KHDC3L: variants seen among roughly 807,000 people sequenced by gnomAD.
KHDC3L encodes KH domain containing 3 like, subcortical maternal complex member, also known as KH domain-containing protein 3.
Under a neutral mutation model 11.4 loss-of-function variants are expected in KHDC3L, and 6 were observed. That is an observed-to-expected ratio of 0.52 (90% CI 0.29 to 1.03). KHDC3L has a LOEUF of 1.03. KHDC3L is among the 50% of genes least tolerant of loss of function. KHDC3L has a pLI of 0.09. For missense variants in KHDC3L, 293 were observed against 290.4 expected (o/e 1.01, Z -0.07); for synonymous variants, 127 against 120.9 (o/e 1.05, Z -0.33).
chr6:73,362,933 C>T (rs1186266877), intron 1 of KHDC3L, 35 bp downstream of exon 1: 2 of 1,613,790 alleles, frequency 1.2e-6, no homozygotes, highest in Non-Finnish European at 8.5e-7. Context: ...CCCCATGCGG[C>T]TTCTTTCTGC....
chr6:73,363,263 T>A lies in KHDC3L; in HGVS notation c.338T>A (p.Leu113His), dbSNP rs374197577. 1 of 1,613,966 alleles carries A rather than the reference T, an allele frequency of 6.2e-7. No homozygotes were observed. The highest frequency in any genetic ancestry group is 1.3e-5 in the African/African-American group (1 of 74,914). The change falls in exon 2 of 3, where the codon CTC becomes CAC. Residue 113 changes from leucine to histidine, a missense_variant. Physicochemically the swap from Leu to His is moderately conservative, Grantham distance 99. Coordinates refer to ENST00000370367, the MANE Select transcript of KHDC3L (RefSeq NM_001017361.3). Reference sequence around the variant, plus strand: ...AACCTGGCTGACTATCACCGCCAGCTCCAGGCGAAAGGTACGGGGCTGGGA... The same window carrying A: ...AACCTGGCTGACTATCACCGCCAGCACCAGGCGAAAGGTACGGGGCTGGGA... The part of the protein sequence containing the change: ...IMNLADYHRQ[L>H]QAKGSGKALA...
Position 73,363,127 on chromosome 6 carries a change from G to C in KHDC3L, c.202G>C (p.Gly68Arg). ...CGGAGAACGCATCCCGCACGTCCAG[G>C]GTATGTCCCAAATCTTGATTCACGT... ...RGGERIPHVQ[G>R]MSQILIHVNR... The change falls in exon 2 of 3, where the codon GGT becomes CGT. Residue 68 changes from glycine to arginine, a missense_variant. Coordinates refer to ENST00000370367, the MANE Select transcript of KHDC3L (RefSeq NM_001017361.3). The C allele has an allele frequency of 6.2e-7, 1 of 1,614,106 alleles. No homozygotes were observed. Among genetic ancestry groups the C allele is most frequent in the Non-Finnish European group, 8.5e-7 (1 of 1,180,032 alleles).
chr6:73,363,432 G>T, intron 2 of KHDC3L, 124 bp from the exon 3 acceptor site: 1 of 1,435,434 alleles, frequency 7.0e-7, no homozygotes. Flanking sequence ...GATCCAGAAG[G>T]CCAAATTGAA....
rs1222774175 is a variant in KHDC3L, at chr6:73,364,049, C to A, written c.*189C>A. On this transcript the variant is annotated 3_prime_UTR_variant, in exon 3 of 3. Coordinates refer to ENST00000370367, the MANE Select transcript of KHDC3L (RefSeq NM_001017361.3). The stretch of plus-strand genomic sequence containing the variant: ...GGAAGCCCGCCCCCCGCCTCCCCCC[C>A]GCCTCACTTAAGTCCAGGAAGCTGG... 1 of 657,168 alleles carries A rather than the reference C, an allele frequency of 1.5e-6. No homozygotes were observed. Among genetic ancestry groups the A allele is most frequent in the East Asian group, 2.7e-5 (1 of 36,660 alleles). 40.7% of individuals were successfully genotyped at this position (657,168 alleles called of 1,614,324 possible). A position where few individuals can be genotyped will look rare whatever the true frequency, so the allele number is the denominator to read the frequency against.
In KHDC3L at chr6:73,363,793, A is replaced by C. The variant is rs1477932850; in HGVS notation, c.587A>C (p.Glu196Ala). The C allele has an allele frequency of 6.2e-7, 1 of 1,612,670 alleles. No individual in the cohort carries two copies. The highest frequency in any genetic ancestry group is 8.5e-7 in the Non-Finnish European group (1 of 1,179,628). ...ANKSGTQRSPEAASKAVTQRF... is the reference protein window; with the variant it reads ...ANKSGTQRSPAAASKAVTQRF... ...AAGTCGGGGACCCAGCGATCCCCCGAAGCTGCCAGCAAGGCAGTGACCCAG... is the reference window on the plus strand; with the variant it reads ...AAGTCGGGGACCCAGCGATCCCCCGCAGCTGCCAGCAAGGCAGTGACCCAG... The change falls in exon 3 of 3, where the codon GAA (glutamate) becomes GCA (alanine). Residue 196 changes from glutamate (E) to alanine (A), a missense_variant. Physicochemically the swap from Glu to Ala is moderately radical, Grantham distance 107. Transcript: ENST00000370367.
chr6:73,363,232 A>C lies in KHDC3L; in HGVS notation c.307A>C (p.Ile103Leu), dbSNP rs1413688722. 1 of 1,614,082 alleles carries C rather than the reference A, an allele frequency of 6.2e-7. No individual in the cohort carries two copies. Among genetic ancestry groups the C allele is most frequent in the African/African-American group, 1.3e-5 (1 of 74,930 alleles). Residue 103 changes from isoleucine to leucine, a missense_variant, in exon 2 of 3, where the codon ATC becomes CTC. Physicochemically the swap from Ile to Leu is conservative, Grantham distance 5 (BLOSUM62 2). Coordinates refer to ENST00000370367, the MANE Select transcript of KHDC3L (RefSeq NM_001017361.3). ...TTACCAGGAGGACACAATCAAGATG[A>C]TCATGAACCTGGCTGACTATCACCG... ...PSYQEDTIKM[I>L]MNLADYHRQL...
At chr6:73,363,472 C>A in intron 2 of KHDC3L, 84 bp from the exon 3 acceptor site, 1 of 1,522,896 alleles carries the variant, frequency 6.6e-7, no homozygotes, top group South Asian at 1.1e-5. Context: ...GGCTCCTACT[C>A]CCGCAGGCCG....
At position 73,364,031 on chromosome 6, in the gene KHDC3L, C is replaced by T; in HGVS notation, c.*171C>T. 1 of 697,680 alleles carries T rather than the reference C, an allele frequency of 1.4e-6. No individual in the cohort carries two copies. The highest frequency in any genetic ancestry group is 2.5e-6 in the Non-Finnish European group (1 of 404,998). The allele number at this position is 697,680 out of a possible 1,614,324, so 43.2% of individuals were successfully genotyped here. ...AATAAAGAATTGCAAAGTGGAAGCCCGCCCCCCGCCTCCCCCCCGCCTCAC... is the reference window on the plus strand; with the variant it reads ...AATAAAGAATTGCAAAGTGGAAGCCTGCCCCCCGCCTCCCCCCCGCCTCAC... On this transcript the variant is annotated 3_prime_UTR_variant, in exon 3 of 3. Coordinates refer to ENST00000370367, the MANE Select transcript of KHDC3L (RefSeq NM_001017361.3).
At position 73,363,106 on chromosome 6, in the gene KHDC3L, GAACGCATCCCGCACGTC is replaced by G; in HGVS notation, c.182_198del (p.Glu61AlafsTer16). 1 of 1,614,102 alleles carries G rather than the reference GAACGCATCCCGCACGTC, an allele frequency of 6.2e-7. No homozygotes were observed. The highest frequency in any genetic ancestry group is 8.5e-7 in the Non-Finnish European group (1 of 1,180,048). The stretch of plus-strand genomic sequence containing the variant: ...TGCTACCCGCGCAGGCCGGGGCGGA[GAACGCATCCCGCACGTC>G]CAGGGTATGTCCCAAATCTTGATTC... On this transcript the variant is annotated frameshift_variant, in exon 2 of 3. Coordinates refer to ENST00000370367, the MANE Select transcript of KHDC3L (RefSeq NM_001017361.3). LOFTEE classifies it high-confidence loss of function.
At chr6:73,363,308 A>G (rs1397361796) in intron 2 of KHDC3L, 34 bp downstream of exon 2, 4 of 1,608,828 alleles carry the variant, frequency 2.5e-6, no homozygotes, top group Admixed American at 3.3e-5. Flanking sequence ...CCTGGAGCAA[A>G]CCCTGGCTCC....
In KHDC3L at chr6:73,362,983, G is replaced by A. The variant is rs895246177; in HGVS notation, c.169+85G>A. On this transcript the variant is annotated intron_variant, in intron 1 of 2. Transcript: ENST00000370367. Reference sequence around the variant, plus strand: ...GCCCACATATTCTGGCTGCGTTCCAGGGCGATCCTCACCAGTAGCCAATGC... The same window carrying A: ...GCCCACATATTCTGGCTGCGTTCCAAGGCGATCCTCACCAGTAGCCAATGC... 8 of 1,606,910 alleles carry A rather than the reference G, an allele frequency of 5.0e-6. No homozygotes were observed. The African/African-American group carries it at 9.4e-5, about 19-fold the overall frequency.
chr6:73,363,049 C>G (rs201914230), intron 1 of KHDC3L, 46 bp from the exon 2 acceptor site: 1 of 1,611,180 alleles, frequency 6.2e-7, no homozygotes, highest in Admixed American at 1.7e-5. Context: ...CTCCCAAGAC[C>G]CCCGGGAGCC....
intron 2 of KHDC3L, 93 bp downstream of exon 2, chr6:73,363,367 C>G (rs1768904503): frequency 6.6e-7 from 1 of 1,523,182 alleles, no homozygotes; most frequent in Admixed American, 1.7e-5. Context: ...CAGTCTCGCC[C>G]TCCCAGTCGG....
At position 73,363,122 on chromosome 6, in the gene KHDC3L, T is replaced by G; in HGVS notation, c.197T>G (p.Val66Gly). 2 of 1,614,082 alleles carry G rather than the reference T, an allele frequency of 1.2e-6. No homozygotes were observed. The highest frequency in any genetic ancestry group is 1.7e-6 in the Non-Finnish European group (2 of 1,180,016). ...CGGGGCGGAGAACGCATCCCGCACG[T>G]CCAGGGTATGTCCCAAATCTTGATT... ...FGRGGERIPH[V>G]QGMSQILIHV... The change falls in exon 2 of 3, where the codon GTC becomes GGC. Residue 66 changes from valine (V) to glycine (G), a missense_variant. Val to Gly is a moderately radical substitution (Grantham distance 109, BLOSUM62 -3). Coordinates refer to ENST00000370367, the MANE Select transcript of KHDC3L (RefSeq NM_001017361.3).
chr6:73,363,277 A>G lies in KHDC3L; in HGVS notation c.349+3A>G. 1 of 1,613,988 alleles carries G rather than the reference A, an allele frequency of 6.2e-7. No homozygotes were observed. Among genetic ancestry groups the G allele is most frequent in the Non-Finnish European group, 8.5e-7 (1 of 1,179,970 alleles). ...TCACCGCCAGCTCCAGGCGAAAGGT[A>G]CGGGGCTGGGAATAGGGCTACCTGG... is the stretch of plus-strand genomic sequence containing the variant. On this transcript the variant is annotated splice_donor_region_variant and intron_variant, in intron 2 of 2. Coordinates refer to ENST00000370367, the MANE Select transcript of KHDC3L (RefSeq NM_001017361.3).
In KHDC3L at chr6:73,364,085, A is replaced by G. The variant is rs1268202111; in HGVS notation, c.*225A>G. The G allele has an allele frequency of 8.2e-6, 5 of 607,226 alleles. No homozygotes were observed. Among genetic ancestry groups the G allele is most frequent in the African/African-American group, 7.4e-5 (4 of 54,012 alleles). 37.6% of individuals were successfully genotyped at this position (607,226 alleles called of 1,614,324 possible). ...AGTCCAGGAAGCTGGGGTGGCGAGG[A>G]AGGATGATGTGGATTGTTTTTGTTT... On this transcript the variant is annotated 3_prime_UTR_variant, in exon 3 of 3. Coordinates refer to ENST00000370367, the MANE Select transcript of KHDC3L (RefSeq NM_001017361.3).
chr6:73,363,117 G>C lies in KHDC3L; in HGVS notation c.192G>C (p.Pro64=). The change falls in exon 2 of 3, where the codon CCG becomes CCC. Residue 64 remains proline, a synonymous_variant. Transcript: ENST00000370367. Reference sequence around the variant, plus strand: ...CAGGCCGGGGCGGAGAACGCATCCCGCACGTCCAGGGTATGTCCCAAATCT... The same window carrying C: ...CAGGCCGGGGCGGAGAACGCATCCCCCACGTCCAGGGTATGTCCCAAATCT... The part of the protein sequence containing the change: ...KIFGRGGERI[P]HVQGMSQILI... 1 of 1,614,086 alleles carries C rather than the reference G, an allele frequency of 6.2e-7. No homozygotes were observed. Among genetic ancestry groups the C allele is most frequent in the Non-Finnish European group, 8.5e-7 (1 of 1,180,014 alleles).
intron 1 of KHDC3L, 61 bp downstream of exon 1, chr6:73,362,959 C>A: frequency 1.2e-6 from 2 of 1,607,656 alleles, no homozygotes; most frequent in Non-Finnish European, 1.7e-6. Context: ...ATACCCACAG[C>A]CCACATATTC....
Position 73,362,702 on chromosome 6 carries a change from C to T in KHDC3L, c.-28C>T, listed in dbSNP as rs1768885445. ...TCGGCCTTTGGGTTTGCTGTGGTGT[C>T]CTTGTCTCCTGCAGGACCGGCCGCA... On this transcript the variant is annotated 5_prime_UTR_variant, in exon 1 of 3. Transcript: ENST00000370367. 6.2e-7 allele frequency: 1 copy of T among 1,613,058 alleles called. No individual in the cohort carries two copies. The highest frequency in any genetic ancestry group is 1.1e-5 in the South Asian group (1 of 90,962).
Sources: gnomAD v4.1 joint callset for allele counts on GRCh38, gnomAD v4.1.1 for gene constraint, MANE v1.5 for transcripts, NCBI Gene and HGNC (gene_info 2026-07-23, HGNC 2026-07-21) for gene names.